Variants in IGF1R observed in about 807,000 individuals in gnomAD.
IGF1R encodes the protein insulin like growth factor 1 receptor, also known as insulin-like growth factor 1 receptor.
IGF1R carries 44 observed loss-of-function variants against 144.6 expected under a neutral mutation model. The ratio of observed to expected loss-of-function variants is 0.30; its 90% confidence interval spans 0.24 to 0.39. The LOEUF (loss-of-function observed/expected upper bound fraction) is 0.39, where lower values mean the gene tolerates loss of function less well. Among genes scored for constraint, IGF1R ranks in the 10% least tolerant of loss-of-function variants. The pLI is 1.00. For missense variants in IGF1R, 1,355 were observed against 1,833.7 expected, an observed-to-expected ratio of 0.74 and a Z score of 4.77; for synonymous variants, 795 against 722.8, an observed-to-expected ratio of 1.10 and a Z score of -1.60.
At position 98,960,861 on chromosome 15, in the gene IGF1R, C is replaced by T. The variant is rs544680990; in HGVS notation, c.*3419C>T. 17 of 233,950 alleles carry T rather than the reference C, an allele frequency of 7.3e-5. No individual in the cohort carries two copies. Among genetic ancestry groups the T allele is most frequent in the African/African-American group, 3.1e-4 (14 of 45,474 alleles). 14.5% of individuals were successfully genotyped at this position (233,950 alleles called of 1,614,324 possible). On this transcript the variant is annotated 3_prime_UTR_variant, in exon 21 of 21. Transcript: ENST00000650285. ...GTAGACAGAGATGTACCAAACCTTC[C>T]GGCTGGAAAGCCCAGTGGCCGGCGC...
At chr15:98,799,274 G>A (rs576480409) in intron 2 of IGF1R, among the ~76,000 whole-genome samples, 9 of 151,834 alleles carry the variant, frequency 5.9e-5, no homozygotes, top group Non-Finnish European at 5.9e-5. Context: ...CGTAAAGTAC[G>A]TTCATATTCA....
At chr15:98,886,110 G>A (rs1228386257) in intron 2 of IGF1R, among the ~76,000 whole-genome samples, 2 of 152,068 alleles carry the variant, frequency 1.3e-5, no homozygotes, top group Admixed American at 6.6e-5. Context: ...GAGCCACCAC[G>A]CCCAGCCTAT....
Position 98,959,183 on chromosome 15 carries a change from G to C in IGF1R, c.*1741G>C. The C allele has an allele frequency of 4.3e-6, 1 of 233,390 alleles. No homozygotes were observed. The highest frequency in any genetic ancestry group is 8.5e-6 in the Non-Finnish European group (1 of 118,002). The allele number at this position is 233,390 out of a possible 1,614,324, so 14.5% of individuals were successfully genotyped here. On this transcript the variant is annotated 3_prime_UTR_variant, in exon 21 of 21. Coordinates refer to ENST00000650285, the MANE Select transcript of IGF1R (RefSeq NM_000875.5). ...CTCTCTTTCCCTTGCCTTTGCTTAG[G>C]TTGTGACACACATATATATATATTT... is the stretch of plus-strand genomic sequence containing the variant.
chr15:98,911,568 C>T lies in IGF1R; in HGVS notation c.1589+127C>T, dbSNP rs549094025. On this transcript the variant is annotated intron_variant, in intron 7 of 20. Coordinates refer to ENST00000650285, the MANE Select transcript of IGF1R (RefSeq NM_000875.5). ...GCAGAGTCCCCAGGGAGAGCCACGC[C>T]AAACATCCCTACTTCATCCTCATGC... 21 of 1,209,678 alleles carry T rather than the reference C, an allele frequency of 1.7e-5. No individual in the cohort carries two copies. In the East Asian group the frequency reaches 4.9e-4, roughly 28 times the overall value. 74.9% of individuals were successfully genotyped at this position (1,209,678 alleles called of 1,614,324 possible).
intron 2 of IGF1R, among the ~76,000 whole-genome samples, chr15:98,852,621 G>T (rs1368047820): frequency 6.6e-6 from 1 of 152,188 alleles, no homozygotes; most frequent in African/African-American, 2.4e-5. Flanking sequence ...GAAAGCGGGT[G>T]GAGGGTGGAG....
intron 5 of IGF1R, among the ~76,000 whole-genome samples, chr15:98,900,067 G>A (rs1412945842): frequency 2.0e-5 from 3 of 152,214 alleles, no homozygotes; most frequent in Non-Finnish European, 4.4e-5. Context: ...GAGCACGGGA[G>A]GAGCATGGGC....
At chr15:98,896,998 A>G in intron 4 of IGF1R, 93 bp downstream of exon 4, 1 of 1,207,512 alleles carries the variant, frequency 8.3e-7, no homozygotes, top group Non-Finnish European at 1.2e-6. Flanking sequence ...CACCACTAAA[A>G]TATGGGCTTA....
chr15:98,747,438 C>A (rs1454252357), intron 2 of IGF1R, among the ~76,000 whole-genome samples: 1 of 152,110 alleles, frequency 6.6e-6, no homozygotes. Context: ...CCTGGTGATC[C>A]GCCCGCCTCG....
intron 2 of IGF1R, among the ~76,000 whole-genome samples, chr15:98,730,617 T>C (rs2054476380): frequency 6.6e-6 from 1 of 152,168 alleles, no homozygotes; most frequent in Non-Finnish European, 1.5e-5. Flanking sequence ...TTTCCCTCCT[T>C]CATGGCTACC....
At chr15:98,922,827 A>G (rs1436910508) in intron 11 of IGF1R, among the ~76,000 whole-genome samples, 2 of 152,116 alleles carry the variant, frequency 1.3e-5, no homozygotes, top group African/African-American at 4.8e-5. Flanking sequence ...TCCAGAGTAA[A>G]CATTGCCCCT....
intron 1 of IGF1R, among the ~76,000 whole-genome samples, chr15:98,668,175 G>C (rs941052376): frequency 6.6e-6 from 1 of 152,104 alleles, no homozygotes; most frequent in African/African-American, 2.4e-5. Context: ...TCCTCTTTAT[G>C]TAAGGGCATT....
chr15:98,845,385 C>G (rs1046841166), intron 2 of IGF1R, among the ~76,000 whole-genome samples: 7 of 142,594 alleles, frequency 4.9e-5, no homozygotes, highest in African/African-American at 1.3e-4. Context: ...CCTCCTCCTC[C>G]CCTCCCTCCT....
chr15:98,794,348 T>C (rs1243043110), intron 2 of IGF1R, among the ~76,000 whole-genome samples: 2 of 152,158 alleles, frequency 1.3e-5, no homozygotes, highest in African/African-American at 2.4e-5. Context: ...GGAGACATTC[T>C]GTATTAGAAT....
chr15:98,782,498 T>A (rs2055882810), intron 2 of IGF1R, among the ~76,000 whole-genome samples: 1 of 152,234 alleles, frequency 6.6e-6, no homozygotes, highest in Admixed American at 6.5e-5. Flanking sequence ...TTTTAAATAC[T>A]TAAATGGGGT....
Position 98,850,780 on chromosome 15 carries a change from A to G in IGF1R, c.641-40545A>G, listed in dbSNP as rs77883070. ...TACCATGTTAACATGTTAGCAAGAA[A>G]CTAGGTAGGGGTACTTGACTTGGGG... is the stretch of plus-strand genomic sequence containing the variant. On this transcript the variant is annotated intron_variant, in intron 2 of 20. Transcript: ENST00000650285. Among the ~76,000 whole-genome samples the G allele has an allele frequency of 3.5e-3, 536 of 152,146 alleles. 4 individuals are homozygous for G. Among genetic ancestry groups the G allele is most frequent in the African/African-American group, 0.011 (471 of 41,520 alleles).
Position 98,936,712 on chromosome 15 carries a change from T to C in IGF1R, c.3297+1286T>C, listed in dbSNP as rs375845863. On this transcript the variant is annotated intron_variant, in intron 17 of 20. Transcript: ENST00000650285. Reference sequence around the variant, plus strand: ...TTCCAAACACCTGTTCACATATGACTTCATGTATTTGCAGCACATGGTGTT... The same window carrying C: ...TTCCAAACACCTGTTCACATATGACCTCATGTATTTGCAGCACATGGTGTT... Among the ~76,000 whole-genome samples the C allele has an allele frequency of 3.9e-5, 6 of 152,042 alleles. No individual in the cohort carries two copies. The South Asian group carries it at 1.2e-3, about 32-fold the overall frequency.
At chr15:98,659,738 G>A (rs925001590) in intron 1 of IGF1R, among the ~76,000 whole-genome samples, 2 of 152,024 alleles carry the variant, frequency 1.3e-5, no homozygotes, top group African/African-American at 4.8e-5. Flanking sequence ...TAAATTTAAA[G>A]CTCCAAAATA....
intron 2 of IGF1R, among the ~76,000 whole-genome samples, chr15:98,877,523 A>C (rs970958576): frequency 7.4e-6 from 1 of 135,102 alleles, no homozygotes; most frequent in South Asian, 2.3e-4. Context: ...TCCCCAAAAA[A>C]TTTGCTACTC....
intron 1 of IGF1R, among the ~76,000 whole-genome samples, chr15:98,696,244 C>T (rs2053595454): frequency 1.3e-5 from 2 of 152,030 alleles, no homozygotes; most frequent in South Asian, 2.1e-4. Context: ...TGCCATTGCT[C>T]CTGGAAACTT....
Sources: gnomAD v4.1 joint callset for allele counts (sites outside exome capture counted in the v4.1 genomes callset) on GRCh38, gnomAD v4.1.1 for gene constraint, MANE v1.5 for transcripts, NCBI Gene and HGNC (gene_info 2026-07-23, HGNC 2026-07-21) for gene names.